The following EPAS1 variants were observed in gnomAD, a reference collection of about 807,000 sequenced individuals.
EPAS1 encodes endothelial PAS domain protein 1, also known as endothelial PAS domain-containing protein 1.
EPAS1 carries 23 observed loss-of-function variants against 87.9 expected under a neutral mutation model. The observed-to-expected ratio is 0.26, with a 90% CI of 0.19 to 0.37. The LOEUF (loss-of-function observed/expected upper bound fraction) is 0.37. EPAS1 is among the 10% of genes least tolerant of loss of function. The probability of loss-of-function intolerance (pLI) is 1.00; values close to 1 mark genes in which losing one functional copy is unlikely to be tolerated. For missense variants in EPAS1, 1,138 were observed against 1,120.7 expected (o/e 1.02, Z -0.22); for synonymous variants, 508 against 444.3 (o/e 1.14, Z -1.80).
chr2:46,357,240 G>A (rs1018182181), intron 4 of EPAS1, among the ~76,000 whole-genome samples: 2 of 152,312 alleles, frequency 1.3e-5, no homozygotes, highest in African/African-American at 4.8e-5. Context: ...GGGTTCTGTG[G>A]GTTCAGTGGG....
At position 46,346,882 on chromosome 2, in the gene EPAS1, G is replaced by A. The variant is rs745916461; in HGVS notation, c.36G>A (p.Ser12=). 1.1e-5 allele frequency: 17 copies of A among 1,614,178 alleles called. No individual in the cohort carries two copies. The highest frequency in any genetic ancestry group is 5.5e-5 in the South Asian group (5 of 91,088). The change falls in exon 2 of 16, where the codon TCG becomes TCA. Residue 12 remains serine (S), a synonymous_variant. Transcript: ENST00000263734. This position sits in a 1 kb window ranked among gnomAD's most constrained non-coding sequence, Gnocchi z 4.0. ...TADKEKKRSS[S]ERRKEKSRDA... The stretch of plus-strand genomic sequence containing the variant: ...CTTCTTCTCCACTTAGGAGTAGCTC[G>A]GAGAGGAGGAAGGAGAAGTCCCGGG...
intron 6 of EPAS1, among the ~76,000 whole-genome samples, chr2:46,369,183 T>C (rs1375325833): frequency 6.6e-6 from 1 of 152,150 alleles, no homozygotes; most frequent in Admixed American, 6.5e-5. Context: ...TTCCTTGAAA[T>C]GTGAGGCACA....
In EPAS1 at chr2:46,305,325, T is replaced by G. The variant is rs551860869; in HGVS notation, c.26+7388T>G. Among the ~76,000 whole-genome samples the G allele has an allele frequency of 2.0e-5, 3 of 152,306 alleles. No individual in the cohort carries two copies. In the South Asian group the frequency reaches 6.2e-4, roughly 32 times the overall value. On this transcript the variant is annotated intron_variant, in intron 1 of 15. Transcript: ENST00000263734. ...TCTAAGTGACCTTGTTTTTTCTAAT[T>G]TCTTAAGAAATACCTGTTTGCTTGA...
At chr2:46,361,171 T>A in intron 6 of EPAS1, 81 bp downstream of exon 6, 3 of 1,467,534 alleles carry the variant, frequency 2.0e-6, no homozygotes, top group African/African-American at 2.8e-5. Context: ...GTATTAAAGG[T>A]GTGGAACTGA....
chr2:46,384,807 C>T lies in EPAS1; in HGVS notation c.*147C>T. ...TGGCAGACTTGCCCAGGTCACCAAG[C>T]AGTGGCCTTTTTCTGAGATGCTCAC... On this transcript the variant is annotated 3_prime_UTR_variant, in exon 16 of 16. Transcript: ENST00000263734. The T allele has an allele frequency of 1.0e-6, 1 of 994,508 alleles. No individual in the cohort carries two copies. Among genetic ancestry groups the T allele is most frequent in the Non-Finnish European group, 1.5e-6 (1 of 667,594 alleles). The allele number at this position is 994,508 out of a possible 1,614,324, so 61.6% of individuals were successfully genotyped here.
In EPAS1 at chr2:46,381,641, G is replaced by A. The variant is rs769061243; in HGVS notation, c.2091G>A (p.Pro697=). 23 of 1,614,014 alleles carry A rather than the reference G, an allele frequency of 1.4e-5. No individual in the cohort carries two copies. The highest frequency in any genetic ancestry group is 5.3e-5 in the African/African-American group (4 of 75,038). The change falls in exon 13 of 16, where the codon CCG becomes CCA. Residue 697 remains proline, a synonymous_variant. Coordinates refer to ENST00000263734, the MANE Select transcript of EPAS1 (RefSeq NM_001430.5). Reference sequence around the variant, plus strand: ...CTCGAGGCCCAGACGTGCTGAGTCCGGCCATGGTAGCCCTCTCCAACAAGC... The same window carrying A: ...CTCGAGGCCCAGACGTGCTGAGTCCAGCCATGGTAGCCCTCTCCAACAAGC... ...FGARGPDVLS[P]AMVALSNKLK... is the part of the protein sequence containing the mutation.
chr2:46,297,632 C>T lies in EPAS1; in HGVS notation c.-280C>T, dbSNP rs1302109528. ...GAAAAAGGAACTTGGGTTCCCTTCTCTCCGTCCTCTTTTCGGGTCTGACAG... is the reference window on the plus strand; with the variant it reads ...GAAAAAGGAACTTGGGTTCCCTTCTTTCCGTCCTCTTTTCGGGTCTGACAG... On this transcript the variant is annotated 5_prime_UTR_variant, in exon 1 of 16. Coordinates refer to ENST00000263734, the MANE Select transcript of EPAS1 (RefSeq NM_001430.5). The T allele has an allele frequency of 6.0e-6, 3 of 498,484 alleles. No homozygotes were observed. The highest frequency in any genetic ancestry group is 3.7e-5 in the East Asian group (1 of 26,814). 30.9% of individuals were successfully genotyped at this position (498,484 alleles called of 1,614,324 possible).
At position 46,346,558 on chromosome 2, in the gene EPAS1, AG is replaced by A. The variant is rs1684030614; in HGVS notation, c.27-312del. Among the ~76,000 whole-genome samples the A allele has an allele frequency of 6.6e-6, 1 of 152,154 alleles. No homozygotes were observed. The highest frequency in any genetic ancestry group is 2.4e-5 in the African/African-American group (1 of 41,424). On this transcript the variant is annotated intron_variant, in intron 1 of 15. Transcript: ENST00000263734. This position sits in a 1 kb window ranked among gnomAD's most constrained non-coding sequence, Gnocchi z 4.0. ...ATTCACCCCTATCCCCAGATATTCCAGGGCTAGGTCCCAGGCATTGGTAGTT... is the reference window on the plus strand; with the variant it reads ...ATTCACCCCTATCCCCAGATATTCCAGGCTAGGTCCCAGGCATTGGTAGTT...
At position 46,375,808 on chromosome 2, in the gene EPAS1, G is replaced by T; in HGVS notation, c.1005G>T (p.Gln335His). 1 of 1,614,240 alleles carries T rather than the reference G, an allele frequency of 6.2e-7. No individual in the cohort carries two copies. Among genetic ancestry groups the T allele is most frequent in the Non-Finnish European group, 8.5e-7 (1 of 1,180,050 alleles). The change falls in exon 8 of 16, where the codon CAG (glutamine) becomes CAT (histidine). Residue 335 changes from glutamine to histidine, a missense_variant. Gln to His is a conservative substitution (Grantham distance 24). Coordinates refer to ENST00000263734, the MANE Select transcript of EPAS1 (RefSeq NM_001430.5). This position sits in a 1 kb window ranked among gnomAD's most constrained non-coding sequence, Gnocchi z 4.1. The part of the protein sequence containing the change: ...VIYNPRNLQP[Q>H]CIMCVNYVLS... ...ACAACCCTCGCAACCTGCAGCCCCA[G>T]TGCATCATGTGTGTCAACTACGTCC... is the stretch of plus-strand genomic sequence containing the variant.
chr2:46,372,750 T>C (rs895509972), intron 7 of EPAS1, among the ~76,000 whole-genome samples: 1 of 152,234 alleles, frequency 6.6e-6, no homozygotes, highest in Non-Finnish European at 1.5e-5. Context: ...TTGCCTGCAA[T>C]TGTTAGAAAT....
At position 46,382,415 on chromosome 2, in the gene EPAS1, G is replaced by T; in HGVS notation, c.2288-10G>T. On this transcript the variant is annotated splice_polypyrimidine_tract_variant and intron_variant, in intron 14 of 15. Transcript: ENST00000263734. ...AATGCTACCGTCACTCTCTGACTTTGGTCTTTCAGATAAGTTCACCCAAAA... is the reference window on the plus strand; with the variant it reads ...AATGCTACCGTCACTCTCTGACTTTTGTCTTTCAGATAAGTTCACCCAAAA... 6.2e-7 allele frequency: 1 copy of T among 1,614,136 alleles called. No homozygotes were observed. Among genetic ancestry groups the T allele is most frequent in the Non-Finnish European group, 8.5e-7 (1 of 1,180,026 alleles).
chr2:46,356,423 C>A, intron 3 of EPAS1, 121 bp downstream of exon 3: 2 of 1,323,914 alleles, frequency 1.5e-6, no homozygotes, highest in Non-Finnish European at 2.1e-6. Context: ...CGGTGACCCT[C>A]GCTGACCTCA....
chr2:46,308,029 A>T (rs1207091946), intron 1 of EPAS1, among the ~76,000 whole-genome samples: 2 of 152,018 alleles, frequency 1.3e-5, no homozygotes, highest in Admixed American at 1.3e-4. Flanking sequence ...ACTGCAAGGG[A>T]CCCCACCTCA....
At chr2:46,325,035 C>A (rs552736264) in intron 1 of EPAS1, among the ~76,000 whole-genome samples, 27 of 152,336 alleles carry the variant, frequency 1.8e-4, no homozygotes, top group African/African-American at 6.0e-4. Flanking sequence ...GAAAAAAGGT[C>A]CAGTTTATCT....
At chr2:46,379,218 A>T (rs141578267) in intron 11 of EPAS1, among the ~76,000 whole-genome samples, 1 of 152,264 alleles carries the variant, frequency 6.6e-6, no homozygotes, top group African/African-American at 2.4e-5. Context: ...TTTTTCATTT[A>T]CATAAAACTT....
chr2:46,378,230 C>A, intron 10 of EPAS1, 143 bp downstream of exon 10: 1 of 1,393,464 alleles, frequency 7.2e-7, no homozygotes, highest in Non-Finnish European at 9.5e-7. Flanking sequence ...CACTTACCTA[C>A]CAGGTATCAG....
Position 46,360,784 on chromosome 2 carries a change from G to C in EPAS1, c.573+28G>C. 6.2e-7 allele frequency: 1 copy of C among 1,612,454 alleles called. No homozygotes were observed. The highest frequency in any genetic ancestry group is 8.5e-7 in the Non-Finnish European group (1 of 1,178,504). ...AGGGCAACATCAGGCCTGGGTTGGA[G>C]TCCCAGGTGTAGGGTAACGGCGGTG... is the stretch of plus-strand genomic sequence containing the variant. On this transcript the variant is annotated intron_variant, in intron 5 of 15. Coordinates refer to ENST00000263734, the MANE Select transcript of EPAS1 (RefSeq NM_001430.5). This position sits in a 1 kb window ranked among gnomAD's most constrained non-coding sequence, Gnocchi z 4.5.
At chr2:46,383,861 TG>T (rs945357589) in intron 15 of EPAS1, among the ~76,000 whole-genome samples, 5 of 152,242 alleles carry the variant, frequency 3.3e-5, no homozygotes, top group African/African-American at 1.2e-4. Context: ...CAGGAGGCAA[TG>T]GCCACTGGAA....
At position 46,377,923 on chromosome 2, in the gene EPAS1, T is replaced by C; in HGVS notation, c.1279T>C (p.Tyr427His). The C allele has an allele frequency of 1.3e-6, 2 of 1,554,298 alleles. No homozygotes were observed. Among genetic ancestry groups the C allele is most frequent in the African/African-American group, 1.4e-5 (1 of 73,306 alleles). ...GNQNFEESSA[Y>H]GKAILPPSQP... is the part of the protein sequence containing the mutation. ...TCAGAACTTCGAGGAGTCCTCAGCC[T>C]ATGGCAAGGCCATCCTGCCCCCGAG... Residue 427 changes from tyrosine to histidine, a missense_variant, in exon 10 of 16, where the codon TAT (tyrosine) becomes CAT (histidine). Transcript: ENST00000263734.
Sources: gnomAD v4.1 joint callset for allele counts (sites outside exome capture counted in the v4.1 genomes callset) on GRCh38, gnomAD v4.1.1 for gene constraint, Gnocchi (gnomAD v3.1) non-coding constraint, MANE v1.5 for transcripts, NCBI Gene and HGNC (gene_info 2026-07-23, HGNC 2026-07-21) for gene names.